The following GNAS-AS1 variants were observed in gnomAD, a reference collection of about 807,000 sequenced individuals.
The protein encoded by GNAS-AS1 is GNAS antisense RNA 1 (non-protein coding).
intron 4 of GNAS-AS1, among the ~76,000 whole-genome samples, chr20:58,831,259 G>GC (rs1378991886): frequency 1.3e-5 from 2 of 152,120 alleles, no homozygotes. Flanking sequence ...CACTGTGCCC[G>GC]GCCAGACCAC....
At chr20:58,838,933 A>C (rs2085637991) in intron 4 of GNAS-AS1, 3 of 397,242 alleles carry the variant, frequency 7.6e-6, no homozygotes, top group Non-Finnish European at 1.3e-5. Context: ...AAAAAAAAAA[A>C]AAAAAAAACC....
chr20:58,840,711 G>A lies in GNAS-AS1; in HGVS notation n.819+1226C>T. On this transcript the variant is annotated intron_variant and non_coding_transcript_variant, in intron 4 of 4. Transcript: ENST00000424094. The surrounding 1 kb of genome is among the most constrained non-coding windows in gnomAD (Gnocchi z 6.0). ...CTCAAGCCCGAGGACAAAGATCCAA[G>A]GGACCCCGAAGAGTCGAAGGAGCCC... The A allele has an allele frequency of 6.2e-7, 1 of 1,603,872 alleles. No individual in the cohort carries two copies. The highest frequency in any genetic ancestry group is 1.3e-5 in the African/African-American group (1 of 75,038).
At chr20:58,823,000 T>C (rs2085496122) in intron 4 of GNAS-AS1, among the ~76,000 whole-genome samples, 1 of 152,106 alleles carries the variant, frequency 6.6e-6, no homozygotes, top group Admixed American at 6.5e-5. Flanking sequence ...CCGCCACCCC[T>C]GGCGCCTACT....
chr20:58,839,930 T>A, intron 4 of GNAS-AS1: 2 of 638,970 alleles, frequency 3.1e-6, no homozygotes, highest in Non-Finnish European at 5.5e-6. Context: ...AGTTCTTAAG[T>A]GGTCAGGAAG....
chr20:58,845,627 A>G (rs1054179624), intron 2 of GNAS-AS1, among the ~76,000 whole-genome samples: 1 of 149,892 alleles, frequency 6.7e-6, no homozygotes, highest in Non-Finnish European at 1.5e-5. Flanking sequence ...AAAAGGCCAT[A>G]TGTGGGGGGT....
chr20:58,842,914 T>A (rs1263716911), intron 2 of GNAS-AS1, among the ~76,000 whole-genome samples: 1 of 152,224 alleles, frequency 6.6e-6, no homozygotes, highest in Non-Finnish European at 1.5e-5. Flanking sequence ...GAAATGAGCA[T>A]GTTGCCTTGT....
chr20:58,826,084 G>A, intron 4 of GNAS-AS1: 1 of 398,638 alleles, frequency 2.5e-6, no homozygotes, highest in Non-Finnish European at 4.4e-6. Flanking sequence ...CATGCAGATA[G>A]TTCACCCAAC....
intron 4 of GNAS-AS1, chr20:58,839,709 C>G: frequency 2.1e-6 from 1 of 473,386 alleles, no homozygotes; most frequent in Non-Finnish European, 3.7e-6. Context: ...TCCGGGCGCG[C>G]AACTTCGCAG....
intron 2 of GNAS-AS1, among the ~76,000 whole-genome samples, chr20:58,842,966 G>A (rs745698925): frequency 5.9e-5 from 9 of 152,024 alleles, no homozygotes; most frequent in Non-Finnish European, 2.9e-5. Context: ...CCTCCGTGTC[G>A]AGCCCACACC....
In GNAS-AS1 at chr20:58,840,823, C is replaced by T; in HGVS notation, n.819+1114G>A. On this transcript the variant is annotated intron_variant and non_coding_transcript_variant, in intron 4 of 4. Coordinates refer to ENST00000424094, the Ensembl canonical transcript of GNAS-AS1. This position sits in a 1 kb window ranked among gnomAD's most constrained non-coding sequence, Gnocchi z 6.0. ...CGGAGTCCCCTTCCAAAAAGGGACC[C>T]ATCCCCATCCGGCGTCACTAATGGA... 2 of 1,612,844 alleles carry T rather than the reference C, an allele frequency of 1.2e-6. No individual in the cohort carries two copies. Among genetic ancestry groups the T allele is most frequent in the Non-Finnish European group, 1.7e-6 (2 of 1,179,954 alleles).
At chr20:58,831,340 T>C (rs1301396398) in intron 4 of GNAS-AS1, among the ~76,000 whole-genome samples, 1 of 151,662 alleles carries the variant, frequency 6.6e-6, no homozygotes, top group African/African-American at 2.4e-5. Context: ...TTTAAAAAAA[T>C]CTGCTAGATA....
At chr20:58,824,691 T>C (rs1672459960) in intron 4 of GNAS-AS1, among the ~76,000 whole-genome samples, 1 of 152,188 alleles carries the variant, frequency 6.6e-6, no homozygotes, top group Non-Finnish European at 1.5e-5. Context: ...TCCCACTCCT[T>C]GTGGTCTCCC....
chr20:58,819,121 G>A (rs1169904826), exon 5 of GNAS-AS1: 10 of 398,614 alleles, frequency 2.5e-5, no homozygotes, highest in Middle Eastern at 6.3e-4. Context: ...CTTTCAGAGG[G>A]CAAAGGTTAA....
intron 4 of GNAS-AS1, among the ~76,000 whole-genome samples, chr20:58,822,787 C>G (rs1301589329): frequency 6.6e-6 from 1 of 152,028 alleles, no homozygotes; most frequent in Non-Finnish European, 1.5e-5. Context: ...ATAAGTCGCC[C>G]CAAGGCCCCG....
At chr20:58,828,713 G>A (rs1198357108) in intron 4 of GNAS-AS1, among the ~76,000 whole-genome samples, 1 of 152,192 alleles carries the variant, frequency 6.6e-6, no homozygotes, top group African/African-American at 2.4e-5. Context: ...CTGTGCCCGA[G>A]ACCTAGAACA....
chr20:58,828,341 C>CA (rs910938402), intron 4 of GNAS-AS1, among the ~76,000 whole-genome samples: 3 of 152,234 alleles, frequency 2.0e-5, no homozygotes, highest in Admixed American at 2.0e-4. Flanking sequence ...GTGAACTGTC[C>CA]ATTTGGTTGC....
At chr20:58,831,434 T>C (rs546513671) in intron 4 of GNAS-AS1, among the ~76,000 whole-genome samples, 61 of 152,184 alleles carry the variant, frequency 4.0e-4, no homozygotes, top group African/African-American at 8.4e-4. Flanking sequence ...CCCAGAACTT[T>C]GGGAGGCCGA....
chr20:58,843,190 T>C (rs2085806747), intron 2 of GNAS-AS1: 3 of 138,334 alleles, frequency 2.2e-5, no homozygotes, highest in African/African-American at 5.6e-5. Context: ...CCCGCTCAAT[T>C]CCCCTCCCCC....
intron 4 of GNAS-AS1, among the ~76,000 whole-genome samples, chr20:58,824,343 T>C (rs1274873876): frequency 6.6e-6 from 1 of 152,188 alleles, no homozygotes; most frequent in African/African-American, 2.4e-5. Context: ...ATGTGAAAAA[T>C]TGTTCAACAA....
Sources: gnomAD v4.1 joint callset for allele counts (sites outside exome capture counted in the v4.1 genomes callset) on GRCh38, gnomAD v4.1.1 for gene constraint, Gnocchi (gnomAD v3.1) non-coding constraint, MANE v1.5 for transcripts, NCBI Gene and HGNC (gene_info 2026-07-23, HGNC 2026-07-21) for gene names.